Variants in CUEDC1 observed in about 807,000 individuals in gnomAD.
The protein encoded by CUEDC1 is CUE domain-containing protein 1.
A neutral mutation model predicts 43.7 loss-of-function variants in CUEDC1; 30 were observed. The observed-to-expected ratio is 0.69, with a 90% CI of 0.51 to 0.93. CUEDC1 has a LOEUF of 0.93. CUEDC1 is among the 40% of genes least tolerant of loss of function. CUEDC1 has a pLI of 0.00. For synonymous variants in CUEDC1, 223 were observed against 223.6 expected (o/e 1.00, Z 0.02); for missense variants, 486 against 549.0 (o/e 0.89, Z 1.15).
chr17:57,917,711 T>C (rs1056080693), intron 1 of CUEDC1, among the ~76,000 whole-genome samples: 4 of 152,216 alleles, frequency 2.6e-5, no homozygotes, highest in Admixed American at 2.0e-4. Flanking sequence ...CAAAAATAGG[T>C]CTGCCCAACT....
At chr17:57,889,875 G>A (rs1476826515) in intron 1 of CUEDC1, among the ~76,000 whole-genome samples, 2 of 152,326 alleles carry the variant, frequency 1.3e-5, no homozygotes, top group Non-Finnish European at 2.9e-5. Flanking sequence ...TAAGCTCAGG[G>A]CAGAGTCTGA....
intron 1 of CUEDC1, among the ~76,000 whole-genome samples, chr17:57,937,600 A>T (rs1598022011): frequency 6.9e-6 from 1 of 145,760 alleles, no homozygotes; most frequent in Non-Finnish European, 1.5e-5. Context: ...ACAAAGTGAG[A>T]CCCTGTCTCA....
At chr17:57,871,522 C>G (rs917616197) in intron 5 of CUEDC1, among the ~76,000 whole-genome samples, 153 bp from the exon 6 acceptor site, 1 of 152,200 alleles carries the variant, frequency 6.6e-6, no homozygotes, top group Non-Finnish European at 1.5e-5. Context: ...ACACATCTAC[C>G]AGCTCTCAAA....
chr17:57,921,804 C>T (rs2074700994), intron 1 of CUEDC1, among the ~76,000 whole-genome samples: 3 of 152,078 alleles, frequency 2.0e-5, no homozygotes, highest in Admixed American at 6.6e-5. Flanking sequence ...CCTCTGTTTT[C>T]CACTTTGTAT....
At chr17:57,903,627 C>T (rs1015660575) in intron 1 of CUEDC1, among the ~76,000 whole-genome samples, 1 of 152,060 alleles carries the variant, frequency 6.6e-6, no homozygotes, top group Admixed American at 6.6e-5. Context: ...TACAGGCCAA[C>T]TCATCTCCAC....
chr17:57,914,452 T>C (rs1226765329), intron 1 of CUEDC1, among the ~76,000 whole-genome samples: 2 of 152,114 alleles, frequency 1.3e-5, no homozygotes, highest in East Asian at 3.9e-4. Context: ...ACCCTTTGGA[T>C]AAAGCACAGG....
chr17:57,945,578 C>T (rs1385539132), intron 1 of CUEDC1, among the ~76,000 whole-genome samples: 1 of 152,160 alleles, frequency 6.6e-6, no homozygotes, highest in Non-Finnish European at 1.5e-5. Context: ...AACATTGTAG[C>T]CCTGGCTTTA....
In CUEDC1 at chr17:57,863,198, A is replaced by G. The variant is rs2073906448; in HGVS notation, c.*91T>C. The G allele has an allele frequency of 6.5e-6, 1 of 152,674 alleles. No individual in the cohort carries two copies. 9.5% of individuals were successfully genotyped at this position (152,674 alleles called of 1,614,324 possible). A position where few individuals can be genotyped will look rare whatever the true frequency, so the allele number is the denominator to read the frequency against. ...TCTCAAGCACCATCTGTCTGGCTGC[A>G]GCTGGGCCCTTCAGCTGGGGGCCAG... On this transcript the variant is annotated 3_prime_UTR_variant, in exon 11 of 11. Transcript: ENST00000577830.
chr17:57,884,550 C>T (rs2074261410), intron 2 of CUEDC1, among the ~76,000 whole-genome samples: 1 of 152,198 alleles, frequency 6.6e-6, no homozygotes, highest in African/African-American at 2.4e-5. Context: ...TTGATCTCCT[C>T]TCACTCTAGG....
intron 1 of CUEDC1, among the ~76,000 whole-genome samples, chr17:57,886,314 G>C (rs1369331517): frequency 6.6e-6 from 1 of 152,206 alleles, no homozygotes; most frequent in East Asian, 1.9e-4. Context: ...AGTGAGGCAG[G>C]AGGGGCTCTT....
intron 1 of CUEDC1, among the ~76,000 whole-genome samples, chr17:57,952,556 G>A (rs547797790): frequency 6.6e-6 from 1 of 152,206 alleles, no homozygotes; most frequent in East Asian, 1.9e-4. Context: ...CTTGCTTCCT[G>A]TAAGTGCAAG....
intron 1 of CUEDC1, among the ~76,000 whole-genome samples, chr17:57,922,036 C>G (rs2074703312): frequency 2.0e-5 from 3 of 152,076 alleles, no homozygotes; most frequent in Admixed American, 2.0e-4. Context: ...TCACTTGAAC[C>G]CAGGAGGTGG....
At chr17:57,944,893 A>G (rs1269709506) in intron 1 of CUEDC1, among the ~76,000 whole-genome samples, 1 of 152,006 alleles carries the variant, frequency 6.6e-6, no homozygotes, top group Admixed American at 6.6e-5. Context: ...ATTCGTCTTC[A>G]TATTCCACGA....
At chr17:57,917,348 T>C (rs1350857634) in intron 1 of CUEDC1, among the ~76,000 whole-genome samples, 2 of 152,196 alleles carry the variant, frequency 1.3e-5, no homozygotes, top group African/African-American at 2.4e-5. Context: ...CTGGCACTCA[T>C]TGTTCATCAG....
rs1354725082 is a variant in CUEDC1, at chr17:57,862,052, G to A, written c.*1237C>T. 1 of 152,206 alleles carries A rather than the reference G, an allele frequency of 6.6e-6. No individual in the cohort carries two copies. The highest frequency in any genetic ancestry group is 6.5e-5 in the Admixed American group (1 of 15,284). 9.4% of individuals were successfully genotyped at this position (152,206 alleles called of 1,614,324 possible). A position where few individuals can be genotyped will look rare whatever the true frequency, so the allele number is the denominator to read the frequency against. Reference sequence around the variant, plus strand: ...GCCCTTGTGATCTTGGGGCCACGGAGGCCACCAGGGCCCGGCCAAGGATCG... The same window carrying A: ...GCCCTTGTGATCTTGGGGCCACGGAAGCCACCAGGGCCCGGCCAAGGATCG... On this transcript the variant is annotated 3_prime_UTR_variant, in exon 11 of 11. Coordinates refer to ENST00000577830, the MANE Select transcript of CUEDC1 (RefSeq NM_001271875.2).
rs540234102 is a variant in CUEDC1 at position 57,940,738 on chromosome 17, C to T, written c.-316+14487G>A. The stretch of plus-strand genomic sequence containing the variant: ...ACATTCATCTGTTTAACAAATATTT[C>T]TGGAGCAACAGTGCCAGGTGCTGTC... On this transcript the variant is annotated intron_variant, in intron 1 of 10. Transcript: ENST00000577830. 1.7e-3 allele frequency among the ~76,000 whole-genome samples: 257 copies of T among 152,348 alleles called. 1 individual carries two copies. Among genetic ancestry groups the T allele is most frequent in the African/African-American group, 5.8e-3 (240 of 41,582 alleles).
intron 1 of CUEDC1, among the ~76,000 whole-genome samples, chr17:57,933,443 G>A (rs2074829404): frequency 6.6e-6 from 1 of 152,132 alleles, no homozygotes; most frequent in South Asian, 2.1e-4. Context: ...AGCTGGGCAA[G>A]TTCATGAGCC....
At chr17:57,924,130 A>G (rs2074723236) in intron 1 of CUEDC1, among the ~76,000 whole-genome samples, 1 of 151,228 alleles carries the variant, frequency 6.6e-6, no homozygotes, top group Admixed American at 6.6e-5. Context: ...TTTTTGAGAC[A>G]GCGTCTCACT....
At position 57,953,141 on chromosome 17, in the gene CUEDC1, C is replaced by T. The variant is rs187676995; in HGVS notation, c.-316+2084G>A. ...CACTTAACACTCTCTACTAAAGCACCTCAACCCCATTTCCCCAAGAACAAG... is the reference window on the plus strand; with the variant it reads ...CACTTAACACTCTCTACTAAAGCACTTCAACCCCATTTCCCCAAGAACAAG... On this transcript the variant is annotated intron_variant, in intron 1 of 10. Coordinates refer to ENST00000577830, the MANE Select transcript of CUEDC1 (RefSeq NM_001271875.2). 5.4e-3 allele frequency among the ~76,000 whole-genome samples: 823 copies of T among 152,318 alleles called. 5 individuals are homozygous for T. Among genetic ancestry groups the T allele is most frequent in the African/African-American group, 0.017 (727 of 41,576 alleles).
Sources: allele counts gnomAD v4.1 joint callset (sites outside exome capture counted in the v4.1 genomes callset), GRCh38; gene constraint gnomAD v4.1.1; transcripts MANE v1.5; gene names NCBI Gene and HGNC (gene_info 2026-07-23, HGNC 2026-07-21).